DPYSL2: variants seen among roughly 807,000 people sequenced by gnomAD.
DPYSL2 encodes the protein dihydropyrimidinase-related protein 2.
DPYSL2 carries 13 observed loss-of-function variants against 69.9 expected under a neutral mutation model. The ratio of observed to expected loss-of-function variants is 0.19; its 90% CI spans 0.12 to 0.30. DPYSL2 has a LOEUF of 0.30. Among genes scored for constraint, DPYSL2 ranks in the 10% least tolerant of loss-of-function variants. DPYSL2 has a pLI of 1.00. For missense variants in DPYSL2, 587 were observed against 918.9 expected, an observed-to-expected ratio of 0.64 and a Z score of 4.67; for synonymous variants, 326 against 359.1, an observed-to-expected ratio of 0.91 and a Z score of 1.04.
intron 1 of DPYSL2, among the ~76,000 whole-genome samples, chr8:26,579,891 G>A (rs372523122): frequency 3.5e-5 from 5 of 140,902 alleles, no homozygotes; most frequent in Admixed American, 1.4e-4. Context: ...AGTGTGGGGA[G>A]AAAAAAAAAT....
intron 7 of DPYSL2, among the ~76,000 whole-genome samples, chr8:26,632,208 G>A (rs1014522915): frequency 6.6e-6 from 1 of 152,232 alleles, no homozygotes; most frequent in African/African-American, 2.4e-5. Context: ...TGAACCATCT[G>A]TGGCTGAGAG....
chr8:26,638,307 G>A (rs1017988745), intron 8 of DPYSL2, among the ~76,000 whole-genome samples: 12 of 152,304 alleles, frequency 7.9e-5, no homozygotes, highest in South Asian at 2.1e-4. Flanking sequence ...GTCAGGCTGC[G>A]TAAGCAGACT....
rs560969794 is a variant in DPYSL2, at chr8:26,553,620, A to G, written c.355-28349A>G. ...ATATACACCACATTGTCTTTATCCA[A>G]TGTACAGTGGTCATTTAGGTTGATT... On this transcript the variant is annotated intron_variant, in intron 1 of 13. Coordinates refer to ENST00000521913, the MANE Select transcript of DPYSL2 (RefSeq NM_001197293.3). Among the ~76,000 whole-genome samples, 11 of 152,200 alleles carry G rather than the reference A, an allele frequency of 7.2e-5. No homozygotes were observed. In the East Asian group the frequency reaches 1.4e-3, roughly 19 times the overall value.
At chr8:26,556,752 T>C (rs34635894) in intron 1 of DPYSL2, among the ~76,000 whole-genome samples, 12,546 of 151,840 alleles carry the variant, frequency 0.083, 719 homozygotes, top group Non-Finnish European at 0.12. Context: ...GAATCTAAAG[T>C]TTATATGGAG....
intron 1 of DPYSL2, among the ~76,000 whole-genome samples, chr8:26,527,727 A>G (rs1808503978): frequency 2.6e-5 from 4 of 152,150 alleles, no homozygotes; most frequent in Admixed American, 2.6e-4. Context: ...ATAAAGGGAA[A>G]TTAATCCCAG....
At chr8:26,530,358 A>C (rs1339545930) in intron 1 of DPYSL2, among the ~76,000 whole-genome samples, 2 of 152,182 alleles carry the variant, frequency 1.3e-5, no homozygotes, top group South Asian at 4.1e-4. Context: ...ACAGCACACC[A>C]GCAAATGTAT....
intron 10 of DPYSL2, among the ~76,000 whole-genome samples, chr8:26,646,917 A>C (rs1405589775): frequency 6.6e-6 from 1 of 151,972 alleles, no homozygotes; most frequent in Non-Finnish European, 1.5e-5. Flanking sequence ...TGAGAGGCCG[A>C]GGCTGCAGTG....
chr8:26,602,655 C>T (rs1440853528), intron 3 of DPYSL2, among the ~76,000 whole-genome samples: 6 of 152,154 alleles, frequency 3.9e-5, no homozygotes, highest in East Asian at 1.9e-4. Flanking sequence ...TTCCTTCATC[C>T]GTTCATTTAT....
Position 26,587,420 on chromosome 8 carries a change from A to G in DPYSL2, c.628+3437A>G, listed in dbSNP as rs1801631760. ...CTGGCCTTCTCCAGACCATGTCACC[A>G]TGTCACCTGCCCTCACGGGTAAATC... On this transcript the variant is annotated intron_variant, in intron 3 of 13. Coordinates refer to ENST00000521913, the MANE Select transcript of DPYSL2 (RefSeq NM_001197293.3). The surrounding 1 kb of genome is among the most constrained non-coding windows in gnomAD (Gnocchi z 4.2). Among the ~76,000 whole-genome samples, 1 of 151,976 alleles carries G rather than the reference A, an allele frequency of 6.6e-6. No individual in the cohort carries two copies. The highest frequency in any genetic ancestry group is 6.5e-5 in the Admixed American group (1 of 15,274).
At position 26,634,768 on chromosome 8, in the gene DPYSL2, G is replaced by T. The variant is rs1585562968; in HGVS notation, c.1006-12G>T. The T allele has an allele frequency of 6.2e-7, 1 of 1,614,160 alleles. No homozygotes were observed. Among genetic ancestry groups the T allele is most frequent in the South Asian group, 1.1e-5 (1 of 91,088 alleles). ...CTGAGCCACATTCTCATGCTCTGCT[G>T]CTGTTTTGCAGGTCGAGGCCGAAGC... On this transcript the variant is annotated splice_polypyrimidine_tract_variant and intron_variant, in intron 7 of 13. Transcript: ENST00000521913.
At chr8:26,570,741 GAAAAAAAA>G (rs572040580) in intron 1 of DPYSL2, among the ~76,000 whole-genome samples, 2 of 108,302 alleles carry the variant, frequency 1.8e-5, no homozygotes, top group Admixed American at 1.1e-4. Context: ...CTTAGAAAAG[GAAAAAAAA>G]AAAAAAAAAA....
chr8:26,547,937 G>A lies in DPYSL2; in HGVS notation c.354+33258G>A. Reference sequence around the variant, plus strand: ...CAGACCCTCTATCCAAGGATGATGAGTTGGAAACAGATAAGCAGGAGGAGA... The same window carrying A: ...CAGACCCTCTATCCAAGGATGATGAATTGGAAACAGATAAGCAGGAGGAGA... On this transcript the variant is annotated intron_variant, in intron 1 of 13. Transcript: ENST00000521913. The A allele has an allele frequency of 1.2e-5, 3 of 253,718 alleles. No individual in the cohort carries two copies. The South Asian group carries it at 1.7e-4, about 14-fold the overall frequency. 15.7% of individuals were successfully genotyped at this position (253,718 alleles called of 1,614,324 possible). A position where few individuals can be genotyped will look rare whatever the true frequency, so the allele number is the denominator to read the frequency against.
chr8:26,515,483 C>A (rs189973271), intron 1 of DPYSL2, among the ~76,000 whole-genome samples: 127 of 152,250 alleles, frequency 8.3e-4, no homozygotes, highest in African/African-American at 2.9e-3. Flanking sequence ...CCCTCGCACT[C>A]GAAATAGACT....
chr8:26,625,452 C>T (rs1192614440), intron 4 of DPYSL2, among the ~76,000 whole-genome samples: 1 of 152,150 alleles, frequency 6.6e-6, no homozygotes, highest in East Asian at 1.9e-4. Context: ...GCCAGGATGT[C>T]CAGAGGCATT....
At position 26,517,217 on chromosome 8, in the gene DPYSL2, C is replaced by A. The variant is rs1304736149; in HGVS notation, c.354+2538C>A. 6.6e-6 allele frequency among the ~76,000 whole-genome samples: 1 copy of A among 152,172 alleles called. No individual in the cohort carries two copies. ...GAGGCCTGCTGTTCCCCTAACAAGG[C>A]TTTGGGAAGGGAGAGAATAGGCTTC... On this transcript the variant is annotated intron_variant, in intron 1 of 13. Transcript: ENST00000521913. This position sits in a 1 kb window ranked among gnomAD's most constrained non-coding sequence, Gnocchi z 4.2.
chr8:26,580,378 G>A lies in DPYSL2; in HGVS notation c.355-1591G>A, dbSNP rs1801465402. 6.6e-6 allele frequency among the ~76,000 whole-genome samples: 1 copy of A among 152,206 alleles called. No individual in the cohort carries two copies. Among genetic ancestry groups the A allele is most frequent in the Non-Finnish European group, 1.5e-5 (1 of 68,034 alleles). On this transcript the variant is annotated intron_variant, in intron 1 of 13. Transcript: ENST00000521913. This position sits in a 1 kb window ranked among gnomAD's most constrained non-coding sequence, Gnocchi z 4.1. ...AGAACCTGGCCTCATCTACCTCACA[G>A]ATTTCTTTCGAGGCTCTGATGTCAT...
Position 26,514,318 on chromosome 8 carries a change from C to T in DPYSL2, c.-8C>T, listed in dbSNP as rs1808233874. 6.9e-7 allele frequency: 1 copy of T among 1,445,966 alleles called. No individual in the cohort carries two copies. Among genetic ancestry groups the T allele is most frequent in the South Asian group, 1.4e-5 (1 of 70,226 alleles). 89.6% of individuals were successfully genotyped at this position (1,445,966 alleles called of 1,614,324 possible). A position where few individuals can be genotyped will look rare whatever the true frequency, so the allele number is the denominator to read the frequency against. On this transcript the variant is annotated 5_prime_UTR_variant, in exon 1 of 14. Coordinates refer to ENST00000521913, the MANE Select transcript of DPYSL2 (RefSeq NM_001197293.3). The surrounding 1 kb of genome is among the most constrained non-coding windows in gnomAD (Gnocchi z 8.4). Reference sequence around the variant, plus strand: ...GGACGGCGAGGACCCTACCCGAGCCCCCGAGCCATGGCCGAGAGAAAGCAA... The same window carrying T: ...GGACGGCGAGGACCCTACCCGAGCCTCCGAGCCATGGCCGAGAGAAAGCAA...
At chr8:26,540,210 G>A (rs1800656673) in intron 1 of DPYSL2, among the ~76,000 whole-genome samples, 1 of 152,066 alleles carries the variant, frequency 6.6e-6, no homozygotes, top group African/African-American at 2.4e-5. Context: ...GCTGAAGAGT[G>A]CAATGAATGA....
At position 26,578,541 on chromosome 8, in the gene DPYSL2, G is replaced by T. The variant is rs941774805; in HGVS notation, c.355-3428G>T. The T allele has an allele frequency of 3.6e-6, 5 of 1,399,472 alleles. No homozygotes were observed. In the Admixed American group the frequency reaches 1.2e-4, roughly 35 times the overall value. The allele number at this position is 1,399,472 out of a possible 1,614,324, so 86.7% of individuals were successfully genotyped here. On this transcript the variant is annotated intron_variant, in intron 1 of 13. Transcript: ENST00000521913. ...GCACGAAGGTAGCCTTAGGTAACGC[G>T]CCAGACCCGGTCTATCTTTTATTGT... is the stretch of plus-strand genomic sequence containing the variant.
Sources: gnomAD v4.1 joint callset for allele counts (sites outside exome capture counted in the v4.1 genomes callset) on GRCh38, gnomAD v4.1.1 for gene constraint, Gnocchi (gnomAD v3.1) non-coding constraint, MANE v1.5 for transcripts, NCBI Gene and HGNC (gene_info 2026-07-23, HGNC 2026-07-21) for gene names.